NALCN: variants seen among roughly 807,000 people sequenced by gnomAD.
NALCN encodes sodium leak channel NALCN.
In NALCN, 111 loss-of-function variants were observed where a neutral mutation model predicts 225.3. That is an observed-to-expected ratio of 0.49 (90% confidence interval 0.42 to 0.58). NALCN has a LOEUF of 0.58. Among genes scored for constraint, NALCN ranks in the 20% least tolerant of loss-of-function variants. The pLI, the probability that NALCN is intolerant of heterozygous loss-of-function variation, is 0.00. For synonymous variants in NALCN, 764 were observed against 769.0 expected (o/e 0.99, Z 0.11); for missense variants, 1,378 against 2,202.4 (o/e 0.63, Z 7.49).
chr13:101,071,066 G>A (rs1350010951), intron 37 of NALCN, among the ~76,000 whole-genome samples: 1 of 152,136 alleles, frequency 6.6e-6, no homozygotes, highest in Non-Finnish European at 1.5e-5. Context: ...AGAACAGGAT[G>A]GAAGAAACCA....
chr13:101,257,811 T>C (rs1350969671), intron 11 of NALCN, among the ~76,000 whole-genome samples: 3 of 152,150 alleles, frequency 2.0e-5, no homozygotes, highest in Non-Finnish European at 1.5e-5. Flanking sequence ...TTAATATAAA[T>C]GCAAAATGCT....
At chr13:101,170,808 T>G (rs7335306) in intron 15 of NALCN, among the ~76,000 whole-genome samples, 37,758 of 152,070 alleles carry the variant, frequency 0.25, 5,431 homozygotes, top group Non-Finnish European at 0.33. Context: ...CTAAACAGAC[T>G]ACCTATACTT....
intron 17 of NALCN, among the ~76,000 whole-genome samples, chr13:101,125,047 G>A (rs1358396608): frequency 6.6e-6 from 1 of 152,122 alleles, no homozygotes; most frequent in African/African-American, 2.4e-5. Flanking sequence ...CAGGTTCTTG[G>A]CCTGTAACCT....
chr13:101,206,929 C>T (rs191941107), intron 13 of NALCN, among the ~76,000 whole-genome samples: 354 of 151,976 alleles, frequency 2.3e-3, no homozygotes, highest in African/African-American at 8.4e-3. Context: ...ACTAATTAGT[C>T]TATAAAAATA....
At chr13:101,217,067 C>A (rs1392104346) in intron 13 of NALCN, among the ~76,000 whole-genome samples, 1 of 152,104 alleles carries the variant, frequency 6.6e-6, no homozygotes, top group African/African-American at 2.4e-5. Flanking sequence ...AATAAAGGTA[C>A]AGAGCTGGTT....
At chr13:101,389,964 C>A (rs1345911239) in intron 3 of NALCN, among the ~76,000 whole-genome samples, 1 of 152,134 alleles carries the variant, frequency 6.6e-6, no homozygotes, top group Non-Finnish European at 1.5e-5. Flanking sequence ...TGCCTGTAAT[C>A]TCAGCTACTC....
Position 101,376,277 on chromosome 13 carries a change from T to C in NALCN, c.644+423A>G, listed in dbSNP as rs896201725. On this transcript the variant is annotated intron_variant, in intron 6 of 43. Coordinates refer to ENST00000251127, the MANE Select transcript of NALCN (RefSeq NM_052867.4). The stretch of plus-strand genomic sequence containing the variant: ...CACTAAGGTTTCTAAATGTACACTT[T>C]GCATTTGCTTAATCTACTTTTCCAC... Among the ~76,000 whole-genome samples the C allele has an allele frequency of 2.0e-5, 3 of 152,318 alleles. No homozygotes were observed. In the South Asian group the frequency reaches 6.2e-4, roughly 32 times the overall value.
In NALCN at chr13:101,237,793, A is replaced by G. The variant is rs201859519; in HGVS notation, c.1396T>C (p.Tyr466His). 6.2e-7 allele frequency: 1 copy of G among 1,606,104 alleles called. No homozygotes were observed. The highest frequency in any genetic ancestry group is 1.7e-5 in the Admixed American group (1 of 58,482). The change falls in exon 12 of 44, where the codon TAC becomes CAC. Residue 466 changes from tyrosine to histidine, a missense_variant. Transcript: ENST00000251127. ...LLVIGTTLHV[Y>H]PDLYHSQFTY... ...AATTGTGAATGATAAAGATCTGGGT[A>G]TACATGAAGAGTAGTTCCAATTACG...
At chr13:101,112,431 T>G (rs184370038) in intron 18 of NALCN, among the ~76,000 whole-genome samples, 9 of 152,358 alleles carry the variant, frequency 5.9e-5, no homozygotes, top group African/African-American at 2.2e-4. Flanking sequence ...AAAAAAATTA[T>G]TCTCCAGAAA....
Position 101,200,885 on chromosome 13 carries a change from C to T in NALCN, c.1627-8831G>A, listed in dbSNP as rs147742056. Among the ~76,000 whole-genome samples the T allele has an allele frequency of 7.1e-4, 108 of 152,218 alleles. 1 individual carries two copies. The Middle Eastern group carries it at 0.024, about 34-fold the overall frequency. On this transcript the variant is annotated intron_variant, in intron 13 of 43. Coordinates refer to ENST00000251127, the MANE Select transcript of NALCN (RefSeq NM_052867.4). ...GGATGACCTTTGAAATTTGATGACT[C>T]AATGCATATTTTGGTATTTTAGTAT...
intron 14 of NALCN, among the ~76,000 whole-genome samples, chr13:101,181,750 TA>T: frequency 6.6e-6 from 1 of 151,708 alleles, no homozygotes; most frequent in East Asian, 2.0e-4. Flanking sequence ...CTCCAAAAAC[TA>T]AAAACAAACA....
chr13:101,273,903 AAAAAG>A (rs1430944462), intron 10 of NALCN, among the ~76,000 whole-genome samples: 38 of 149,110 alleles, frequency 2.5e-4, no homozygotes, highest in African/African-American at 8.9e-4. Context: ...AAAAAAAAAA[AAAAAG>A]AAAATGTGTG....
intron 10 of NALCN, among the ~76,000 whole-genome samples, chr13:101,280,326 T>G (rs1249747686): frequency 1.3e-5 from 2 of 152,212 alleles, no homozygotes; most frequent in Non-Finnish European, 2.9e-5. Context: ...GTCATAAGCA[T>G]GCTGCTATAT....
At position 101,089,603 on chromosome 13, in the gene NALCN, G is replaced by T; in HGVS notation, c.3489+60C>A. 6.8e-7 allele frequency: 1 copy of T among 1,478,012 alleles called. No homozygotes were observed. The highest frequency in any genetic ancestry group is 9.4e-7 in the Non-Finnish European group (1 of 1,064,064). The allele number at this position is 1,478,012 out of a possible 1,614,324, so 91.6% of individuals were successfully genotyped here. A position where few individuals can be genotyped will look rare whatever the true frequency, so the allele number is the denominator to read the frequency against. ...CGCCGCGTGTGAAAAGAAACAAATA[G>T]CTCAAAGTGAGTGGCTAGAAAAGGC... On this transcript the variant is annotated intron_variant, in intron 30 of 43. Coordinates refer to ENST00000251127, the MANE Select transcript of NALCN (RefSeq NM_052867.4). This position sits in a 1 kb window ranked among gnomAD's most constrained non-coding sequence, Gnocchi z 4.7.
chr13:101,157,474 G>T (rs2037961126), intron 15 of NALCN, among the ~76,000 whole-genome samples: 1 of 152,180 alleles, frequency 6.6e-6, no homozygotes, highest in African/African-American at 2.4e-5. Context: ...TGTGCCTGGG[G>T]ATGCCCTACC....
intron 18 of NALCN, among the ~76,000 whole-genome samples, chr13:101,122,449 A>C (rs1255730075): frequency 1.3e-5 from 2 of 152,168 alleles, no homozygotes; most frequent in Non-Finnish European, 2.9e-5. Flanking sequence ...GGTATCCCCT[A>C]AACTACACCA....
At position 101,376,582 on chromosome 13, in the gene NALCN, GAACA is replaced by G. The variant is rs10590149; in HGVS notation, c.644+114_644+117del. 14,025 of 970,544 alleles carry G rather than the reference GAACA, an allele frequency of 0.014. 1,132 individuals carry two copies. In the African/African-American group the frequency reaches 0.19, roughly 13 times the overall value. The allele number at this position is 970,544 out of a possible 1,614,324, so 60.1% of individuals were successfully genotyped here. ...ACAATACCGAGGAAGCAGAGACACAGAACAAAGAGGACATAAGCACTGTTTAAAA... is the reference window on the plus strand; with the variant it reads ...ACAATACCGAGGAAGCAGAGACACAGAAGAGGACATAAGCACTGTTTAAAA... On this transcript the variant is annotated intron_variant, in intron 6 of 43. Coordinates refer to ENST00000251127, the MANE Select transcript of NALCN (RefSeq NM_052867.4).
intron 17 of NALCN, among the ~76,000 whole-genome samples, chr13:101,141,192 T>C (rs1450323390): frequency 1.3e-5 from 2 of 152,008 alleles, no homozygotes; most frequent in African/African-American, 2.4e-5. Context: ...TAAATGGAAA[T>C]TTCCCTGAGC....
chr13:101,111,332 A>C, intron 18 of NALCN, 106 bp from the exon 19 acceptor site: 1 of 901,764 alleles, frequency 1.1e-6, no homozygotes, highest in Admixed American at 2.5e-5. Context: ...ACACCAATGA[A>C]AACACAAAAT....
Sources: gnomAD v4.1 joint callset for allele counts (sites outside exome capture counted in the v4.1 genomes callset) on GRCh38, gnomAD v4.1.1 for gene constraint, Gnocchi (gnomAD v3.1) non-coding constraint, MANE v1.5 for transcripts, NCBI Gene and HGNC (gene_info 2026-07-23, HGNC 2026-07-21) for gene names.